The following RPS6KA5 variants were observed in gnomAD, a reference collection of about 807,000 sequenced individuals.
RPS6KA5 encodes the protein ribosomal protein S6 kinase A5.
A neutral mutation model predicts 85.5 loss-of-function variants in RPS6KA5; 27 were observed. The ratio of observed to expected loss-of-function variants is 0.32; its 90% CI spans 0.23 to 0.44. The LOEUF is 0.44. Ranked by LOEUF, RPS6KA5 falls within the 20% of genes least tolerant of loss-of-function variation. The probability of loss-of-function intolerance (pLI) is 1.00; values close to 1 mark genes in which losing one functional copy is unlikely to be tolerated. For synonymous variants in RPS6KA5, 334 were observed against 348.2 expected, an observed-to-expected ratio of 0.96 and a Z score of 0.46; for missense variants, 811 against 980.9, an observed-to-expected ratio of 0.83 and a Z score of 2.31.
intron 1 of RPS6KA5, among the ~76,000 whole-genome samples, chr14:91,001,587 T>C (rs2140583806): frequency 6.6e-6 from 1 of 152,254 alleles, no homozygotes; most frequent in Admixed American, 6.5e-5. Flanking sequence ...TAAGTTCTAG[T>C]TCCATTTCTG....
At position 91,007,009 on chromosome 14, in the gene RPS6KA5, A is replaced by C. The variant is rs145146563; in HGVS notation, c.104-5850T>G. The stretch of plus-strand genomic sequence containing the variant: ...AATGCAGCTTCTACAGAAGAGTTTT[A>C]CATTGGTGTGTTGGATGTTTGCACA... On this transcript the variant is annotated intron_variant, in intron 1 of 16. Transcript: ENST00000614987. Among the ~76,000 whole-genome samples, 79 of 152,350 alleles carry C rather than the reference A, an allele frequency of 5.2e-4. 1 individual carries two copies. The East Asian group carries it at 0.011, about 21-fold the overall frequency.
intron 1 of RPS6KA5, among the ~76,000 whole-genome samples, chr14:91,015,465 C>T (rs146101503): frequency 6.6e-6 from 1 of 152,190 alleles, no homozygotes; most frequent in East Asian, 1.9e-4. Context: ...TTTTGAATTA[C>T]ACTTTTCATA....
chr14:90,937,836 G>C (rs537321239), intron 5 of RPS6KA5, among the ~76,000 whole-genome samples: 3 of 152,254 alleles, frequency 2.0e-5, no homozygotes, highest in Non-Finnish European at 2.9e-5. Flanking sequence ...CCTCCCACCA[G>C]GTCCCTCCCA....
chr14:90,988,065 C>T (rs769374507), intron 2 of RPS6KA5, among the ~76,000 whole-genome samples: 8 of 152,148 alleles, frequency 5.3e-5, no homozygotes, highest in African/African-American at 9.7e-5. Context: ...CCAAGACCAA[C>T]GGGAATGAAC....
chr14:90,955,854 T>C (rs1330106002), intron 3 of RPS6KA5, among the ~76,000 whole-genome samples: 1 of 152,246 alleles, frequency 6.6e-6, no homozygotes, highest in Non-Finnish European at 1.5e-5. Flanking sequence ...TCCATTTCTT[T>C]CAGTTTTTGC....
chr14:90,849,335 A>G lies in RPS6KA5; in HGVS notation c.*22739T>C, dbSNP rs1466480152. The G allele has an allele frequency of 6.6e-6, 1 of 152,236 alleles. No individual in the cohort carries two copies. Among genetic ancestry groups the G allele is most frequent in the Non-Finnish European group, 1.5e-5 (1 of 68,042 alleles). The allele number at this position is 152,236 out of a possible 1,614,324, so 9.4% of individuals were successfully genotyped here. A position where few individuals can be genotyped will look rare whatever the true frequency, so the allele number is the denominator to read the frequency against. Reference sequence around the variant, plus strand: ...AACACGCACCCATATGTCTGAAGACAAAAGTTTTTTAAGAGGGCACGGACT... The same window carrying G: ...AACACGCACCCATATGTCTGAAGACGAAAGTTTTTTAAGAGGGCACGGACT... On this transcript the variant is annotated 3_prime_UTR_variant, in exon 17 of 17. Transcript: ENST00000614987.
At chr14:90,893,371 A>C (rs2034664159) in intron 13 of RPS6KA5, among the ~76,000 whole-genome samples, 1 of 152,222 alleles carries the variant, frequency 6.6e-6, no homozygotes, top group Admixed American at 6.5e-5. Flanking sequence ...AATAATGGTA[A>C]TAGAAAATAC....
chr14:91,034,410 G>A (rs954753557), intron 1 of RPS6KA5, among the ~76,000 whole-genome samples: 1 of 152,092 alleles, frequency 6.6e-6, no homozygotes, highest in African/African-American at 2.4e-5. Context: ...GGGTCGAGTG[G>A]GGTCTAGCTA....
rs1212820031 is a variant in RPS6KA5, at chr14:90,856,117, A to G, written c.*15957T>C. 3 of 152,336 alleles carry G rather than the reference A, an allele frequency of 2.0e-5. No homozygotes were observed. The highest frequency in any genetic ancestry group is 2.1e-4 in the South Asian group (1 of 4,822). 9.4% of individuals were successfully genotyped at this position (152,336 alleles called of 1,614,324 possible). On this transcript the variant is annotated 3_prime_UTR_variant, in exon 17 of 17. Transcript: ENST00000614987. ...TGTCCGAGCACTACCCAATAATGGG[A>G]AAAGTATGATTCCCAAGGAGGTTCC...
intron 1 of RPS6KA5, among the ~76,000 whole-genome samples, chr14:91,034,937 A>T (rs2042339692): frequency 6.6e-6 from 1 of 151,966 alleles, no homozygotes; most frequent in African/African-American, 2.4e-5. Context: ...AAAAAAAAAC[A>T]GTTTGCTGGT....
intron 3 of RPS6KA5, among the ~76,000 whole-genome samples, chr14:90,965,328 C>T (rs1415238311): frequency 1.3e-5 from 2 of 152,026 alleles, no homozygotes; most frequent in Non-Finnish European, 2.9e-5. Flanking sequence ...GAGCCGAGAT[C>T]GCACCATGGC....
chr14:90,880,201 T>C (rs1352030547), intron 14 of RPS6KA5, among the ~76,000 whole-genome samples: 2 of 152,202 alleles, frequency 1.3e-5, no homozygotes, highest in Non-Finnish European at 2.9e-5. Flanking sequence ...CTTCACGGTA[T>C]GCAACCATCA....
chr14:90,954,669 C>T (rs989262356), intron 3 of RPS6KA5, among the ~76,000 whole-genome samples: 9 of 152,220 alleles, frequency 5.9e-5, no homozygotes, highest in Non-Finnish European at 8.8e-5. Flanking sequence ...CTGCCTCAGC[C>T]TCCCCAAGTG....
rs146464469 is a variant in RPS6KA5, at chr14:90,954,080, G to A, written c.395-6530C>T. On this transcript the variant is annotated intron_variant, in intron 3 of 16. Coordinates refer to ENST00000614987, the MANE Select transcript of RPS6KA5 (RefSeq NM_004755.4). Reference sequence around the variant, plus strand: ...CTCAGGTGGGCATCACGGTCCTACCGATATGTGATGTCACCCCCAGAGGCC... The same window carrying A: ...CTCAGGTGGGCATCACGGTCCTACCAATATGTGATGTCACCCCCAGAGGCC... Among the ~76,000 whole-genome samples the A allele has an allele frequency of 7.3e-4, 111 of 152,248 alleles. 1 individual carries two copies. The highest frequency in any genetic ancestry group is 3.7e-3 in the East Asian group (19 of 5,182).
Position 90,847,861 on chromosome 14 carries a change from T to G in RPS6KA5, c.*24213A>C, listed in dbSNP as rs1382721015. ...ACAAACCACAAGTCCAAGTCAGATA[T>G]CAGGCATTTGTACATTGACAGGTTT... On this transcript the variant is annotated 3_prime_UTR_variant, in exon 17 of 17. Transcript: ENST00000614987. The G allele has an allele frequency of 6.6e-6, 1 of 152,120 alleles. No individual in the cohort carries two copies. The highest frequency in any genetic ancestry group is 2.4e-5 in the African/African-American group (1 of 41,394). The allele number at this position is 152,120 out of a possible 1,614,324, so 9.4% of individuals were successfully genotyped here. A position where few individuals can be genotyped will look rare whatever the true frequency, so the allele number is the denominator to read the frequency against.
chr14:91,004,969 C>CAA (rs549756290), intron 1 of RPS6KA5, among the ~76,000 whole-genome samples: 5 of 133,168 alleles, frequency 3.8e-5, no homozygotes, highest in Admixed American at 7.6e-5. Flanking sequence ...GACTCCGTCT[C>CAA]AAAAAAAAAA....
chr14:90,976,393 A>G (rs1016775200), intron 3 of RPS6KA5, among the ~76,000 whole-genome samples: 14 of 152,166 alleles, frequency 9.2e-5, no homozygotes, highest in Non-Finnish European at 1.5e-4. Context: ...AACAGTCCTC[A>G]TGGACTTCCT....
intron 1 of RPS6KA5, among the ~76,000 whole-genome samples, chr14:91,020,100 C>T (rs977673055): frequency 2.6e-5 from 4 of 152,126 alleles, no homozygotes; most frequent in Non-Finnish European, 4.4e-5. Flanking sequence ...AGTAACAACA[C>T]CGTATTATAA....
chr14:91,041,498 C>T (rs1308607835), intron 1 of RPS6KA5, among the ~76,000 whole-genome samples: 2 of 152,110 alleles, frequency 1.3e-5, no homozygotes, highest in Non-Finnish European at 2.9e-5. Flanking sequence ...TTAGTGGTTG[C>T]CCAGTATAGT....
Sources: gnomAD v4.1 joint callset for allele counts (sites outside exome capture counted in the v4.1 genomes callset) on GRCh38, gnomAD v4.1.1 for gene constraint, MANE v1.5 for transcripts, NCBI Gene and HGNC (gene_info 2026-07-23, HGNC 2026-07-21) for gene names.